Variants in WWC1 observed in about 807,000 individuals in gnomAD.
The protein encoded by WWC1 is WW and C2 domain containing 1.
Under a neutral mutation model 138.4 loss-of-function variants are expected in WWC1, and 55 were observed. The observed-to-expected ratio is 0.40, with a 90% confidence interval of 0.32 to 0.50. WWC1 has a LOEUF of 0.50. Ranked by LOEUF, WWC1 falls within the 20% of genes least tolerant of loss-of-function variation. The probability of loss-of-function intolerance (pLI) is 0.72; values close to 1 mark genes in which losing one functional copy is unlikely to be tolerated. For synonymous variants in WWC1, 524 were observed against 564.9 expected (o/e 0.93, Z 1.03); for missense variants, 1,226 against 1,420.4 (o/e 0.86, Z 2.20).
intron 21 of WWC1, among the ~76,000 whole-genome samples, chr5:168,467,057 T>C (rs1315487911): frequency 3.3e-5 from 5 of 152,158 alleles, no homozygotes; most frequent in African/African-American, 1.2e-4. Context: ...GTCAGGAGAT[T>C]GAGACCATCC....
intron 22 of WWC1, 32 bp from the exon 23 acceptor site, chr5:168,468,919 C>A (rs781502751): frequency 1.9e-6 from 3 of 1,611,514 alleles, no homozygotes; most frequent in Non-Finnish European, 1.7e-6. Flanking sequence ...AGGTTGAAAA[C>A]CCCTGCTCTA....
chr5:168,421,811 G>GATAT (rs147421621), intron 9 of WWC1, among the ~76,000 whole-genome samples, 197 bp from the exon 10 acceptor site: 1 of 151,408 alleles, frequency 6.6e-6, no homozygotes, highest in Non-Finnish European at 1.5e-5. Flanking sequence ...CAGAGTGCCT[G>GATAT]ATATATATAT....
At chr5:168,359,344 A>T (rs2152798703) in intron 1 of WWC1, among the ~76,000 whole-genome samples, 1 of 152,312 alleles carries the variant, frequency 6.6e-6, no homozygotes, top group East Asian at 1.9e-4. Flanking sequence ...GTGAGCCACC[A>T]CGTCTGGCCT....
intron 1 of WWC1, among the ~76,000 whole-genome samples, chr5:168,319,562 T>TA (rs1319778782): frequency 6.6e-6 from 1 of 152,058 alleles, no homozygotes. Flanking sequence ...AGTGCAGTGG[T>TA]ACGATCTTAG....
intron 1 of WWC1, among the ~76,000 whole-genome samples, chr5:168,343,064 C>A (rs995753443): frequency 3.9e-5 from 6 of 152,134 alleles, no homozygotes; most frequent in Non-Finnish European, 8.8e-5. Flanking sequence ...GCCCTAAGAG[C>A]CTGGGGGGTT....
At chr5:168,464,121 A>G (rs1757042483) in intron 20 of WWC1, among the ~76,000 whole-genome samples, 1 of 152,076 alleles carries the variant, frequency 6.6e-6, no homozygotes, top group Non-Finnish European at 1.5e-5. Context: ...GCAGAGGAGG[A>G]GGTCTCCAAG....
rs1773673507 is a variant in WWC1 at position 168,338,279 on chromosome 5, C to A, written c.120-33145C>A. 1.3e-5 allele frequency among the ~76,000 whole-genome samples: 2 copies of A among 150,670 alleles called. 1 individual carries two copies. Among genetic ancestry groups the A allele is most frequent in the South Asian group, 4.2e-4 (2 of 4,746 alleles). On this transcript the variant is annotated intron_variant, in intron 1 of 22. Coordinates refer to ENST00000265293, the MANE Select transcript of WWC1 (RefSeq NM_015238.3). ...TGAGCCGAGATCGCGCCACTGCACT[C>A]CAGCTTGGGCAACAGAGTGAGACTT...
chr5:168,423,737 G>T lies in WWC1; in HGVS notation c.1479G>T (p.Arg493=). The change falls in exon 11 of 23, where the codon CGG becomes CGT. Residue 493 remains arginine (R), a synonymous_variant. Coordinates refer to ENST00000265293, the MANE Select transcript of WWC1 (RefSeq NM_015238.3). ...TCCTGGAGGGGGCCACCGGCTTCCG[G>T]CCCTCAGGCTGCATCACCACCATCC... ...FLLLEGATGF[R]PSGCITTIHE... is the part of the protein sequence containing the mutation. The T allele has an allele frequency of 6.2e-7, 1 of 1,614,000 alleles. No homozygotes were observed. The highest frequency in any genetic ancestry group is 8.5e-7 in the Non-Finnish European group (1 of 1,179,916).
chr5:168,390,147 TTCATCTA>T (rs369023980), intron 3 of WWC1, among the ~76,000 whole-genome samples: 231 of 152,328 alleles, frequency 1.5e-3, no homozygotes, highest in African/African-American at 5.2e-3. Flanking sequence ...CTCAGTTTTC[TTCATCTA>T]TAAAATCAAT....
chr5:168,349,244 G>T (rs1165735425), intron 1 of WWC1, among the ~76,000 whole-genome samples: 1 of 152,146 alleles, frequency 6.6e-6, no homozygotes, highest in Non-Finnish European at 1.5e-5. Context: ...AGCCATGCAG[G>T]TGTAGGCCTC....
At chr5:168,320,863 T>C (rs17070064) in intron 1 of WWC1, among the ~76,000 whole-genome samples, 1,645 of 152,114 alleles carry the variant, frequency 0.011, 29 homozygotes, top group African/African-American at 0.038. Flanking sequence ...GTTTCAAGAA[T>C]GAGTGAGTGC....
intron 15 of WWC1, among the ~76,000 whole-genome samples, chr5:168,439,432 C>T (rs1349610497): frequency 6.7e-6 from 1 of 150,210 alleles, no homozygotes; most frequent in African/African-American, 2.5e-5. Context: ...CGAGACCAGC[C>T]TGACCGACAT....
rs566593684 is a variant in WWC1 at position 168,355,565 on chromosome 5, G to A, written c.120-15859G>A. ...AGCCATGCAAAAAGTGGACAGGTGTGTAGACAGGGACAGGTAACTGTCCCA... is the reference window on the plus strand; with the variant it reads ...AGCCATGCAAAAAGTGGACAGGTGTATAGACAGGGACAGGTAACTGTCCCA... On this transcript the variant is annotated intron_variant, in intron 1 of 22. Transcript: ENST00000265293. Among the ~76,000 whole-genome samples, 12 of 151,392 alleles carry A rather than the reference G, an allele frequency of 7.9e-5. 1 individual carries two copies. The highest frequency in any genetic ancestry group is 4.2e-4 in the South Asian group (2 of 4,774).
intron 18 of WWC1, 132 bp downstream of exon 18, chr5:168,454,232 T>C: frequency 1.5e-6 from 2 of 1,377,918 alleles, no homozygotes; most frequent in Non-Finnish European, 2.0e-6. Flanking sequence ...CATAATGGAG[T>C]GGCCTTTGGG....
At chr5:168,383,981 G>T (rs1001516881) in intron 2 of WWC1, among the ~76,000 whole-genome samples, 1 of 151,918 alleles carries the variant, frequency 6.6e-6, no homozygotes, top group South Asian at 2.1e-4. Flanking sequence ...CCACCTAGTT[G>T]GTTGTTGATA....
At chr5:168,417,168 T>C (rs2337222) in intron 9 of WWC1, among the ~76,000 whole-genome samples, 148,254 of 152,314 alleles carry the variant, frequency 0.97, 72,195 homozygotes, top group East Asian at 1. Context: ...CACCCAGCTC[T>C]ATCAACTTTA....
intron 1 of WWC1, among the ~76,000 whole-genome samples, chr5:168,308,414 C>T (rs1023205802): frequency 5.9e-5 from 9 of 152,186 alleles, no homozygotes; most frequent in African/African-American, 1.9e-4. Context: ...GTTCTGTAGT[C>T]AGAAAAACTG....
intron 1 of WWC1, among the ~76,000 whole-genome samples, chr5:168,306,383 G>A (rs1770568289): frequency 6.6e-6 from 1 of 152,154 alleles, no homozygotes; most frequent in South Asian, 2.1e-4. Flanking sequence ...GCTACAGAGC[G>A]AGACTCCATC....
At chr5:168,460,598 T>G in intron 19 of WWC1, 52 bp from the exon 20 acceptor site, 1 of 1,580,780 alleles carries the variant, frequency 6.3e-7, no homozygotes, top group Non-Finnish European at 8.7e-7. Flanking sequence ...TCAGTGCACC[T>G]TCCAGAATGC....
Sources: allele counts gnomAD v4.1 joint callset (sites outside exome capture counted in the v4.1 genomes callset), GRCh38; gene constraint gnomAD v4.1.1; transcripts MANE v1.5; gene names NCBI Gene and HGNC (gene_info 2026-07-23, HGNC 2026-07-21).